Variants in ZNF516 observed in about 807,000 individuals in gnomAD.
ZNF516 encodes the protein zinc finger protein 516.
ZNF516 carries 19 observed loss-of-function variants against 79.7 expected under a neutral mutation model. The ratio of observed to expected loss-of-function variants is 0.24; its 90% confidence interval spans 0.17 to 0.35. The LOEUF (loss-of-function observed/expected upper bound fraction) is 0.35. Among genes scored for constraint, ZNF516 ranks in the 10% least tolerant of loss-of-function variants. The pLI, the probability that ZNF516 is intolerant of heterozygous loss-of-function variation, is 1.00. For synonymous variants in ZNF516, 877 were observed against 739.5 expected (o/e 1.19, Z -3.02); for missense variants, 1,678 against 1,679.5 (o/e 1.00, Z 0.02).
rs1915329443 is a variant in ZNF516 at position 76,493,062 on chromosome 18, C to T, written c.-272+2082G>A. The T allele has an allele frequency of 4.1e-6, 4 of 985,136 alleles. No homozygotes were observed. The highest frequency in any genetic ancestry group is 9.4e-5 in the South Asian group (2 of 21,286). 61.0% of individuals were successfully genotyped at this position (985,136 alleles called of 1,614,324 possible). A position where few individuals can be genotyped will look rare whatever the true frequency, so the allele number is the denominator to read the frequency against. On this transcript the variant is annotated intron_variant, in intron 1 of 6. Coordinates refer to ENST00000443185, the MANE Select transcript of ZNF516 (RefSeq NM_014643.4). This position sits in a 1 kb window ranked among gnomAD's most constrained non-coding sequence, Gnocchi z 5.2. ...TTGGCCAGCAGAGCCGTCACTCACG[C>T]CCAGGGGGCAGGGAGACTTCGCAAA...
chr18:76,428,658 A>G (rs2075625479), intron 3 of ZNF516, among the ~76,000 whole-genome samples: 2 of 151,538 alleles, frequency 1.3e-5, no homozygotes, highest in South Asian at 4.2e-4. Context: ...AAATGCGCTT[A>G]CTACGTACCA....
chr18:76,486,227 A>G (rs968932404), intron 1 of ZNF516, among the ~76,000 whole-genome samples: 2 of 152,232 alleles, frequency 1.3e-5, no homozygotes, highest in South Asian at 2.1e-4. Context: ...ACAACTTTCA[A>G]TGCATCATTT....
intron 3 of ZNF516, among the ~76,000 whole-genome samples, chr18:76,427,811 G>A (rs371108748): frequency 7.9e-5 from 12 of 152,026 alleles, no homozygotes; most frequent in African/African-American, 1.7e-4. Flanking sequence ...TCATGGACAA[G>A]TACATCAGGG....
intron 2 of ZNF516, among the ~76,000 whole-genome samples, chr18:76,448,867 C>T (rs1912225660): frequency 6.6e-6 from 1 of 152,102 alleles, no homozygotes; most frequent in African/African-American, 2.4e-5. Context: ...GTGCTGGCAG[C>T]GCACCAGTAA....
intron 3 of ZNF516, among the ~76,000 whole-genome samples, chr18:76,398,331 C>T (rs1245983634): frequency 6.6e-6 from 1 of 152,166 alleles, no homozygotes; most frequent in Non-Finnish European, 1.5e-5. Flanking sequence ...TAAAACATGG[C>T]AAACCATACT....
chr18:76,390,129 G>C (rs1266495120), intron 3 of ZNF516, among the ~76,000 whole-genome samples: 2 of 152,230 alleles, frequency 1.3e-5, no homozygotes, highest in Non-Finnish European at 2.9e-5. Context: ...GGGTCCCTCA[G>C]AGTGAATCTA....
chr18:76,484,825 T>C (rs1269611949), intron 1 of ZNF516, among the ~76,000 whole-genome samples: 1 of 152,222 alleles, frequency 6.6e-6, no homozygotes, highest in Non-Finnish European at 1.5e-5. Context: ...AAAGTTCAAA[T>C]TCTTAGCAGC....
intron 3 of ZNF516, among the ~76,000 whole-genome samples, chr18:76,432,498 G>A (rs772290303): frequency 6.6e-6 from 1 of 152,256 alleles, no homozygotes; most frequent in Non-Finnish European, 1.5e-5. Flanking sequence ...AGCTGAAACA[G>A]AGACCATGCA....
chr18:76,470,244 C>T (rs1288809346), intron 1 of ZNF516, among the ~76,000 whole-genome samples: 1 of 152,124 alleles, frequency 6.6e-6, no homozygotes, highest in Non-Finnish European at 1.5e-5. Flanking sequence ...GTGCAGTTTC[C>T]CTTTGCTTGG....
intron 3 of ZNF516, among the ~76,000 whole-genome samples, chr18:76,397,195 G>T (rs1166766772): frequency 2.0e-5 from 3 of 152,198 alleles, no homozygotes; most frequent in Non-Finnish European, 2.9e-5. Context: ...GAGTAGGAAA[G>T]TGACAGCGTG....
chr18:76,378,830 G>A (rs1301730130), intron 4 of ZNF516, 25 bp downstream of exon 4: 2 of 1,598,544 alleles, frequency 1.3e-6, no homozygotes, highest in Non-Finnish European at 1.7e-6. Context: ...TGTGGCCTGG[G>A]GAAGAGAGGG....
At chr18:76,426,079 C>A (rs560922977) in intron 3 of ZNF516, among the ~76,000 whole-genome samples, 2 of 152,338 alleles carry the variant, frequency 1.3e-5, no homozygotes, top group Admixed American at 1.3e-4. Context: ...CCAGCAGTCA[C>A]TTTTTTAATT....
At chr18:76,434,790 G>A (rs1181485795) in intron 3 of ZNF516, among the ~76,000 whole-genome samples, 1 of 152,270 alleles carries the variant, frequency 6.6e-6, no homozygotes, top group African/African-American at 2.4e-5. Context: ...GATACCCACA[G>A]TGTGCCAGGA....
At chr18:76,367,503 T>C (rs993945351) in intron 6 of ZNF516, among the ~76,000 whole-genome samples, 1 of 152,340 alleles carries the variant, frequency 6.6e-6, no homozygotes, top group East Asian at 1.9e-4. Context: ...CCCGAGCCTC[T>C]GCCCACCCAC....
chr18:76,428,445 T>G (rs983763472), intron 3 of ZNF516, among the ~76,000 whole-genome samples: 3 of 151,360 alleles, frequency 2.0e-5, no homozygotes, highest in African/African-American at 7.3e-5. Context: ...CTAAGTGTTG[T>G]CAGCATGTTT....
At position 76,441,879 on chromosome 18, in the gene ZNF516, C is replaced by T. The variant is rs772436956; in HGVS notation, c.1176G>A (p.Ser392=). ...FFLQCLNLRP[S]AAGDSCPGTQ... ...TGCCAGGGCACGAGTCGCCGGCCGC[C>T]GACGGCCTCAGGTTCAGGCACTGGA... Residue 392 remains serine (S), a synonymous_variant, in exon 3 of 7, where the codon TCG becomes TCA. Coordinates refer to ENST00000443185, the MANE Select transcript of ZNF516 (RefSeq NM_014643.4). The T allele has an allele frequency of 3.8e-6, 6 of 1,588,796 alleles. No homozygotes were observed. The highest frequency in any genetic ancestry group is 3.4e-6 in the Non-Finnish European group (4 of 1,173,222).
rs1225147954 is a variant in ZNF516, at chr18:76,480,045, T to A, written c.-272+15099A>T. ...CTCAACCCTGGCACCAGGCGGCGGT[T>A]TGTGGCGGGGCGCCCCTAGAGCTAT... On this transcript the variant is annotated intron_variant, in intron 1 of 6. Coordinates refer to ENST00000443185, the MANE Select transcript of ZNF516 (RefSeq NM_014643.4). 4.6e-5 allele frequency among the ~76,000 whole-genome samples: 7 copies of A among 151,742 alleles called. No individual in the cohort carries two copies. In the South Asian group the frequency reaches 1.5e-3, roughly 32 times the overall value.
chr18:76,368,760 T>A (rs2074658055), intron 6 of ZNF516, among the ~76,000 whole-genome samples: 1 of 152,204 alleles, frequency 6.6e-6, no homozygotes, highest in African/African-American at 2.4e-5. Flanking sequence ...TATAATAAAA[T>A]TATTATAAAC....
intron 3 of ZNF516, among the ~76,000 whole-genome samples, chr18:76,383,032 T>C (rs1443434138): frequency 1.0e-5 from 1 of 100,468 alleles, no homozygotes; most frequent in Non-Finnish European, 1.8e-5. Context: ...CAAGACTCTG[T>C]CTCAAAAAAA....
Sources: gnomAD v4.1 joint callset for allele counts (sites outside exome capture counted in the v4.1 genomes callset) on GRCh38, gnomAD v4.1.1 for gene constraint, Gnocchi (gnomAD v3.1) non-coding constraint, MANE v1.5 for transcripts, NCBI Gene and HGNC (gene_info 2026-07-23, HGNC 2026-07-21) for gene names.